Variants in PXDNL observed in about 807,000 individuals in gnomAD.
The protein encoded by PXDNL is probable oxidoreductase PXDNL.
A neutral mutation model predicts 150.8 loss-of-function variants in PXDNL; 145 were observed. That is an observed-to-expected ratio of 0.96 (90% CI 0.84 to 1.10). PXDNL has a LOEUF of 1.10. Among genes scored for constraint, PXDNL ranks in the 50% least tolerant of loss-of-function variants. PXDNL has a pLI of 0.00. For missense variants in PXDNL, 2,087 were observed against 1,873.9 expected (o/e 1.11, Z -2.10); for synonymous variants, 757 against 725.7 (o/e 1.04, Z -0.69).
intron 1 of PXDNL, among the ~76,000 whole-genome samples, chr8:51,758,610 T>C (rs1228966738): frequency 6.6e-6 from 1 of 152,168 alleles, no homozygotes; most frequent in Non-Finnish European, 1.5e-5. Context: ...CTTGTGATAG[T>C]GAGTTTTCAC....
chr8:51,326,852 A>C (rs74319082), intron 21 of PXDNL, among the ~76,000 whole-genome samples: 1 of 152,056 alleles, frequency 6.6e-6, no homozygotes, highest in African/African-American at 2.4e-5. Flanking sequence ...AGAATGTGAT[A>C]TTTTTTGGAA....
chr8:51,327,420 G>A (rs74897461), intron 21 of PXDNL, among the ~76,000 whole-genome samples: 4,814 of 152,216 alleles, frequency 0.032, 241 homozygotes, highest in African/African-American at 0.11. Flanking sequence ...AAACAGTTAC[G>A]GAAAATTTAG....
intron 2 of PXDNL, among the ~76,000 whole-genome samples, chr8:51,632,746 A>G (rs1366041657): frequency 6.6e-6 from 1 of 152,238 alleles, no homozygotes; most frequent in East Asian, 1.9e-4. Context: ...ATAAGCTTTA[A>G]TAGATTGAAA....
intron 3 of PXDNL, among the ~76,000 whole-genome samples, chr8:51,574,264 A>G (rs1414904608): frequency 6.6e-6 from 1 of 152,014 alleles, no homozygotes; most frequent in African/African-American, 2.4e-5. Flanking sequence ...ATACTTATCT[A>G]CTGAAGTAAA....
intron 12 of PXDNL, among the ~76,000 whole-genome samples, chr8:51,438,574 G>T (rs1303075595): frequency 6.6e-6 from 1 of 152,146 alleles, no homozygotes; most frequent in Admixed American, 6.5e-5. Flanking sequence ...AATTAGCCAG[G>T]CATGGTGGCG....
intron 1 of PXDNL, among the ~76,000 whole-genome samples, chr8:51,705,820 TGTGTGTGTGTGTGCGC>T (rs1245376662): frequency 1.5e-5 from 1 of 67,312 alleles, no homozygotes; most frequent in Admixed American, 1.8e-4. Flanking sequence ...TGTGTGTGTG[TGTGTGTGTGTGTGCGC>T]GCGCGCGCGC....
At chr8:51,432,303 C>T (rs151059858) in intron 12 of PXDNL, among the ~76,000 whole-genome samples, 272 of 152,230 alleles carry the variant, frequency 1.8e-3, no homozygotes, top group Middle Eastern at 0.01. Context: ...AGTTGTTAAT[C>T]CTTGAGCCAA....
chr8:51,417,121 T>C (rs1486115336), intron 14 of PXDNL, among the ~76,000 whole-genome samples: 1 of 152,220 alleles, frequency 6.6e-6, no homozygotes, highest in Non-Finnish European at 1.5e-5. Context: ...TGTAGTTATT[T>C]GTCTCAAAAA....
chr8:51,493,554 A>C (rs1165087863), intron 5 of PXDNL, among the ~76,000 whole-genome samples: 5 of 152,230 alleles, frequency 3.3e-5, no homozygotes, highest in African/African-American at 1.2e-4. Context: ...ACGAATGGCT[A>C]ACTAGAATAA....
At chr8:51,743,811 C>T (rs535328521) in intron 1 of PXDNL, among the ~76,000 whole-genome samples, 22 of 151,906 alleles carry the variant, frequency 1.4e-4, no homozygotes, top group African/African-American at 5.1e-4. Flanking sequence ...CCACAGTGCC[C>T]GGCCCCTACT....
chr8:51,454,982 G>A (rs1209073881), intron 9 of PXDNL, among the ~76,000 whole-genome samples: 1 of 96,456 alleles, frequency 1.0e-5, no homozygotes, highest in Non-Finnish European at 2.0e-5. Context: ...GGTGGCGGGC[G>A]CCTGTAGTCC....
rs1808517127 is a variant in PXDNL, at chr8:51,408,711, G to T, written c.2913C>A (p.His971Gln). The T allele has an allele frequency of 3.8e-6, 6 of 1,592,936 alleles. No individual in the cohort carries two copies. The highest frequency in any genetic ancestry group is 5.1e-6 in the Non-Finnish European group (6 of 1,169,514). Reference sequence around the variant, plus strand: ...TGTTGTGTTCCCGGAACCACAGGGTGTGCATGGCGGCCAGAGCCAGATGCT... The same window carrying T: ...TGTTGTGTTCCCGGAACCACAGGGTTTGCATGGCGGCCAGAGCCAGATGCT... ...ANEHLALAAM[H>Q]TLWFREHNRM... Residue 971 changes from histidine (H) to glutamine (Q), a missense_variant, in exon 17 of 23, where the codon CAC becomes CAA. Physicochemically the swap from His to Gln is conservative, Grantham distance 24. Coordinates refer to ENST00000356297, the MANE Select transcript of PXDNL (RefSeq NM_144651.5).
chr8:51,761,355 CA>C (rs2037164967), intron 1 of PXDNL, among the ~76,000 whole-genome samples: 1 of 152,070 alleles, frequency 6.6e-6, no homozygotes, highest in Non-Finnish European at 1.5e-5. Flanking sequence ...TGGTTTTACT[CA>C]TCTGTAAAAC....
intron 3 of PXDNL, among the ~76,000 whole-genome samples, chr8:51,584,994 A>T (rs1813293015): frequency 6.6e-6 from 1 of 152,184 alleles, no homozygotes; most frequent in Non-Finnish European, 1.5e-5. Flanking sequence ...GGAATAGAGC[A>T]ATGTTAACCT....
At chr8:51,628,552 C>T (rs544968241) in intron 2 of PXDNL, among the ~76,000 whole-genome samples, 2 of 151,502 alleles carry the variant, frequency 1.3e-5, no homozygotes, top group African/African-American at 4.8e-5. Flanking sequence ...ACTATAGATG[C>T]ATGCCACCAC....
intron 3 of PXDNL, among the ~76,000 whole-genome samples, chr8:51,570,039 C>T (rs1812901946): frequency 6.6e-6 from 1 of 151,960 alleles, no homozygotes; most frequent in African/African-American, 2.4e-5. Context: ...TTCTTAGTTA[C>T]AGTGTTTACA....
chr8:51,682,876 A>G (rs1815783238), intron 1 of PXDNL, among the ~76,000 whole-genome samples: 1 of 151,958 alleles, frequency 6.6e-6, no homozygotes, highest in Non-Finnish European at 1.5e-5. Context: ...AAGAAGTAGT[A>G]GTGCTGGAGT....
chr8:51,663,869 C>G (rs1461551776), intron 1 of PXDNL, among the ~76,000 whole-genome samples: 1 of 151,976 alleles, frequency 6.6e-6, no homozygotes, highest in Non-Finnish European at 1.5e-5. Flanking sequence ...CTGGCCAACA[C>G]AGTGAAACCC....
At chr8:51,544,124 C>A (rs1242260635) in intron 4 of PXDNL, among the ~76,000 whole-genome samples, 5 of 152,106 alleles carry the variant, frequency 3.3e-5, no homozygotes, top group Non-Finnish European at 7.4e-5. Context: ...AAAATAATAC[C>A]TAATCAAAAG....
Sources: allele counts gnomAD v4.1 joint callset (sites outside exome capture counted in the v4.1 genomes callset), GRCh38; gene constraint gnomAD v4.1.1; transcripts MANE v1.5; gene names NCBI Gene and HGNC (gene_info 2026-07-23, HGNC 2026-07-21).